The following DEPDC1B variants were observed in gnomAD, a reference collection of about 807,000 sequenced individuals.
DEPDC1B encodes the protein DEP domain-containing protein 1B.
A neutral mutation model predicts 66.5 loss-of-function variants in DEPDC1B; 51 were observed. The observed-to-expected ratio is 0.77, with a 90% CI of 0.61 to 0.97. The LOEUF (loss-of-function observed/expected upper bound fraction) is 0.97, where lower values mean the gene tolerates loss of function less well. Ranked by LOEUF, DEPDC1B falls within the 50% of genes least tolerant of loss-of-function variation. The pLI is 0.00. For missense variants in DEPDC1B, 552 were observed against 637.1 expected, an observed-to-expected ratio of 0.87 and a Z score of 1.44; for synonymous variants, 226 against 223.6, an observed-to-expected ratio of 1.01 and a Z score of -0.10.
intron 7 of DEPDC1B, chr5:60,630,532 A>T (rs541207627): frequency 1.3e-5 from 2 of 152,306 alleles, no homozygotes; most frequent in African/African-American, 4.8e-5. Context: ...TGTTCTGGAA[A>T]GAAAGGCATT....
Position 60,597,810 on chromosome 5 carries a change from C to T in DEPDC1B, c.1533G>A (p.Met511Ile). The stretch of plus-strand genomic sequence containing the variant: ...GTTGGAAAGGCTTCTTTAGTGCCCA[C>T]ATTAGCAGCTGTGGTTTCGGTTTGG... ...EKPKPKPQLL[M>I]WALKKPFQPF... is the part of the protein sequence containing the mutation. The change falls in exon 11 of 11, where the codon ATG becomes ATA. Residue 511 changes from methionine (M) to isoleucine (I), a missense_variant. Met to Ile is a conservative substitution (Grantham distance 10). Coordinates refer to ENST00000265036, the MANE Select transcript of DEPDC1B (RefSeq NM_018369.3). 1.2e-6 allele frequency: 2 copies of T among 1,613,470 alleles called. No homozygotes were observed. The highest frequency in any genetic ancestry group is 4.5e-5 in the East Asian group (2 of 44,844).
At chr5:60,696,071 A>C (rs1431232309) in intron 1 of DEPDC1B, among the ~76,000 whole-genome samples, 1 of 152,208 alleles carries the variant, frequency 6.6e-6, no homozygotes, top group Non-Finnish European at 1.5e-5. Context: ...TGCTGAGATC[A>C]CAGGCATGAG....
At chr5:60,688,457 C>T (rs1257318319) in intron 1 of DEPDC1B, among the ~76,000 whole-genome samples, 1 of 152,130 alleles carries the variant, frequency 6.6e-6, no homozygotes, top group African/African-American at 2.4e-5. Context: ...GACAAGCCTC[C>T]ATTACTCCCG....
In DEPDC1B at chr5:60,644,781, T is replaced by C; in HGVS notation, c.673A>G (p.Ser225Gly). 6.2e-7 allele frequency: 1 copy of C among 1,602,980 alleles called. No individual in the cohort carries two copies. The highest frequency in any genetic ancestry group is 2.2e-5 in the East Asian group (1 of 44,518). ...KFIIHNVYSV[S>G]KQGVVILDDK... ...TCAAGAATAACAACTCCCTGCTTGC[T>C]AACACTATATACATTATGGATGATG... The change falls in exon 5 of 11, where the codon AGC becomes GGC. Residue 225 changes from serine to glycine, a missense_variant. Coordinates refer to ENST00000265036, the MANE Select transcript of DEPDC1B (RefSeq NM_018369.3).
chr5:60,691,014 A>G lies in DEPDC1B; in HGVS notation c.49-3787T>C, dbSNP rs114946184. Reference sequence around the variant, plus strand: ...GCACAGTGTGTGACCCACACTAGGTAGTCAATAAGCAAGTGCTTAATCGAT... The same window carrying G: ...GCACAGTGTGTGACCCACACTAGGTGGTCAATAAGCAAGTGCTTAATCGAT... On this transcript the variant is annotated intron_variant, in intron 1 of 10. Coordinates refer to ENST00000265036, the MANE Select transcript of DEPDC1B (RefSeq NM_018369.3). 2.2e-3 allele frequency among the ~76,000 whole-genome samples: 330 copies of G among 151,666 alleles called. 2 individuals carry two copies. Among genetic ancestry groups the G allele is most frequent in the African/African-American group, 7.7e-3 (318 of 41,340 alleles).
chr5:60,642,774 T>G lies in DEPDC1B; in HGVS notation c.757+38A>C, dbSNP rs150321363. On this transcript the variant is annotated intron_variant, in intron 6 of 10. Coordinates refer to ENST00000265036, the MANE Select transcript of DEPDC1B (RefSeq NM_018369.3). ...TTTCCTAATTTAGGGCACTAATTTC[T>G]GTTAATTTCACAAAACTGGCAGATA... 1,053 of 1,577,018 alleles carry G rather than the reference T, an allele frequency of 6.7e-4. 10 individuals are homozygous for G. The African/African-American group carries it at 0.013, about 19-fold the overall frequency.
intron 2 of DEPDC1B, among the ~76,000 whole-genome samples, chr5:60,683,284 T>C (rs1754339336): frequency 6.6e-6 from 1 of 151,976 alleles, no homozygotes. Context: ...TTTAAAAAAA[T>C]TAGCTGAGCA....
chr5:60,690,462 TGAA>T (rs1362338145), intron 1 of DEPDC1B, among the ~76,000 whole-genome samples: 1 of 152,248 alleles, frequency 6.6e-6, no homozygotes, highest in Non-Finnish European at 1.5e-5. Context: ...TCATCTCTTT[TGAA>T]GAAGGAATAT....
intron 6 of DEPDC1B, among the ~76,000 whole-genome samples, chr5:60,642,028 A>T (rs1434797097): frequency 1.3e-5 from 2 of 152,210 alleles, no homozygotes; most frequent in Non-Finnish European, 2.9e-5. Context: ...GAGTTATTTT[A>T]GTTTCATTCT....
chr5:60,605,599 T>G (rs1378031990), intron 8 of DEPDC1B, 91 bp downstream of exon 8: 9 of 1,423,532 alleles, frequency 6.3e-6, no homozygotes, highest in Non-Finnish European at 7.6e-6. Flanking sequence ...CAAGTCTGCT[T>G]TGTACTTCCC....
At chr5:60,665,974 T>TC (rs1270192489) in intron 2 of DEPDC1B, among the ~76,000 whole-genome samples, 3 of 152,010 alleles carry the variant, frequency 2.0e-5, no homozygotes, top group Non-Finnish European at 4.4e-5. Context: ...CCCCTTAGGG[T>TC]CCCTCCCATT....
At chr5:60,640,980 A>C (rs1201964122) in intron 6 of DEPDC1B, among the ~76,000 whole-genome samples, 2 of 152,222 alleles carry the variant, frequency 1.3e-5, no homozygotes, top group African/African-American at 4.8e-5. Context: ...TGTTTGACAC[A>C]TAAATAAACA....
At chr5:60,644,644 A>G in intron 5 of DEPDC1B, 101 bp downstream of exon 5, 1 of 989,354 alleles carries the variant, frequency 1.0e-6, no homozygotes, top group East Asian at 2.8e-5. Context: ...ATGAAGGAAC[A>G]AACTTATTCA....
At chr5:60,629,589 G>A (rs958213182) in intron 7 of DEPDC1B, among the ~76,000 whole-genome samples, 2 of 152,112 alleles carry the variant, frequency 1.3e-5, no homozygotes, top group Non-Finnish European at 2.9e-5. Context: ...GAGTTTTAAT[G>A]TACATTTTCT....
In DEPDC1B at chr5:60,676,392, A is replaced by C. The variant is rs376617409; in HGVS notation, c.314+10570T>G. 3.9e-4 allele frequency among the ~76,000 whole-genome samples: 59 copies of C among 152,274 alleles called. No individual in the cohort carries two copies. In the East Asian group the frequency reaches 7.9e-3, roughly 20 times the overall value. On this transcript the variant is annotated intron_variant, in intron 2 of 10. Transcript: ENST00000265036. ...CTTAAAGTATAATAATGAAAAAAAA[A>C]AATCCTGAGCTTAAGGAATCCTCTG... is the stretch of plus-strand genomic sequence containing the variant.
chr5:60,673,308 TTCTAAC>T (rs1329499899), intron 2 of DEPDC1B, among the ~76,000 whole-genome samples: 3 of 152,216 alleles, frequency 2.0e-5, no homozygotes, highest in Admixed American at 1.3e-4. Context: ...CTGTTTGTCT[TTCTAAC>T]TAAACTATAG....
chr5:60,617,130 G>A (rs1752576398), intron 7 of DEPDC1B, among the ~76,000 whole-genome samples: 1 of 152,162 alleles, frequency 6.6e-6, no homozygotes, highest in African/African-American at 2.4e-5. Flanking sequence ...AAGAGCTCCT[G>A]AAGGAAGCAC....
In DEPDC1B at chr5:60,605,705, A is replaced by G. The variant is rs755209288; in HGVS notation, c.1050T>C (p.Phe350=). 2.5e-6 allele frequency: 4 copies of G among 1,611,408 alleles called. No homozygotes were observed. The highest frequency in any genetic ancestry group is 3.4e-6 in the Non-Finnish European group (4 of 1,178,930). Residue 350 remains phenylalanine (F), a synonymous_variant, in exon 8 of 11, where the codon TTT becomes TTC. Transcript: ENST00000265036. ...ATCAACCTACCAGTGTTCGGGTACC[A>G]AAGCCATCACACAGGGGTGGCATCT... ...NKEMPPLCDG[F]GTRTLMVQTF...
At chr5:60,612,589 A>G (rs536217650) in intron 7 of DEPDC1B, among the ~76,000 whole-genome samples, 1 of 148,850 alleles carries the variant, frequency 6.7e-6, no homozygotes, top group East Asian at 2.0e-4. Flanking sequence ...TACTTTCCTG[A>G]TTTTTATGCT....
Sources: gnomAD v4.1 joint callset for allele counts (sites outside exome capture counted in the v4.1 genomes callset) on GRCh38, gnomAD v4.1.1 for gene constraint, MANE v1.5 for transcripts, NCBI Gene and HGNC (gene_info 2026-07-23, HGNC 2026-07-21) for gene names.